Variants in PRKN observed in about 807,000 individuals in gnomAD.
The protein encoded by PRKN is parkin RBR E3 ubiquitin protein ligase, also known as E3 ubiquitin-protein ligase parkin.
In PRKN, 56 loss-of-function variants were observed where a neutral mutation model predicts 59.5. The observed-to-expected ratio is 0.94, with a 90% CI of 0.76 to 1.18. The LOEUF is 1.18. Ranked by LOEUF, PRKN falls within the 50% of genes most tolerant of loss-of-function variation. PRKN has a pLI of 0.00. For synonymous variants in PRKN, 250 were observed against 222.1 expected, an observed-to-expected ratio of 1.13 and a Z score of -1.12; for missense variants, 657 against 596.4, an observed-to-expected ratio of 1.10 and a Z score of -1.06.
intron 4 of PRKN, among the ~76,000 whole-genome samples, chr6:162,069,692 C>T (rs1778492938): frequency 6.6e-6 from 1 of 152,122 alleles, no homozygotes; most frequent in Admixed American, 6.5e-5. Flanking sequence ...GTTAATTCTG[C>T]AGAAAGAAAT....
intron 7 of PRKN, among the ~76,000 whole-genome samples, chr6:161,621,862 C>G (rs1222507652): frequency 6.6e-6 from 1 of 152,116 alleles, no homozygotes; most frequent in East Asian, 1.9e-4. Context: ...CACACTCACT[C>G]CTAGTATGTT....
chr6:161,816,697 CA>C (rs1384304970), intron 6 of PRKN, among the ~76,000 whole-genome samples: 6 of 150,814 alleles, frequency 4.0e-5, no homozygotes, highest in African/African-American at 1.5e-4. Context: ...CACTGCACTC[CA>C]GCTTGGGTGA....
chr6:162,454,972 A>T (rs1790799789), intron 1 of PRKN, among the ~76,000 whole-genome samples: 2 of 152,158 alleles, frequency 1.3e-5, no homozygotes, highest in Non-Finnish European at 2.9e-5. Flanking sequence ...GCCATTTCGG[A>T]CTGTGTTTTC....
At chr6:161,643,618 A>T (rs562093828) in intron 7 of PRKN, among the ~76,000 whole-genome samples, 11 of 152,330 alleles carry the variant, frequency 7.2e-5, no homozygotes, top group African/African-American at 2.6e-4. Flanking sequence ...TATTCCAAAG[A>T]TGTCATATAA....
At chr6:162,404,109 T>G in intron 2 of PRKN, among the ~76,000 whole-genome samples, 1 of 152,210 alleles carries the variant, frequency 6.6e-6, no homozygotes, top group South Asian at 2.1e-4. Flanking sequence ...CAGTGGCTCA[T>G]GCCTGTAATC....
intron 2 of PRKN, among the ~76,000 whole-genome samples, chr6:162,414,086 A>G (rs1477223539): frequency 6.6e-6 from 1 of 152,118 alleles, no homozygotes; most frequent in Non-Finnish European, 1.5e-5. Flanking sequence ...GGGAGGCTGA[A>G]GCAGGAGAAT....
intron 7 of PRKN, among the ~76,000 whole-genome samples, chr6:161,765,531 G>A (rs1789388084): frequency 6.6e-6 from 1 of 152,176 alleles, no homozygotes; most frequent in Non-Finnish European, 1.5e-5. Context: ...TGAGTGTACA[G>A]TTAAGCATAC....
chr6:162,257,944 C>A (rs1377778712), intron 3 of PRKN, among the ~76,000 whole-genome samples: 1 of 152,118 alleles, frequency 6.6e-6, no homozygotes, highest in Non-Finnish European at 1.5e-5. Context: ...GACCTCTCCA[C>A]CCTGCCCTTT....
chr6:162,680,293 T>G (rs567826157), intron 1 of PRKN, among the ~76,000 whole-genome samples: 95 of 150,984 alleles, frequency 6.3e-4, no homozygotes, highest in Middle Eastern at 7.0e-3. Flanking sequence ...TAAGCATATA[T>G]ACTTAATATT....
At chr6:162,428,100 T>A (rs1237181387) in intron 2 of PRKN, among the ~76,000 whole-genome samples, 1 of 152,202 alleles carries the variant, frequency 6.6e-6, no homozygotes, top group East Asian at 1.9e-4. Flanking sequence ...CCTACAAAGT[T>A]TATACAATGG....
At chr6:161,996,740 G>C (rs1781859881) in intron 5 of PRKN, among the ~76,000 whole-genome samples, 1 of 151,990 alleles carries the variant, frequency 6.6e-6, no homozygotes, top group African/African-American at 2.4e-5. Context: ...ATATGTGAAG[G>C]GAACAGTATA....
intron 4 of PRKN, among the ~76,000 whole-genome samples, chr6:162,196,067 TC>T (rs1385129709): frequency 6.6e-6 from 1 of 152,214 alleles, no homozygotes; most frequent in Non-Finnish European, 1.5e-5. Flanking sequence ...GGCTTTGCTT[TC>T]TTGAGGAGGC....
intron 6 of PRKN, among the ~76,000 whole-genome samples, chr6:161,903,444 G>C (rs1294718210): frequency 6.6e-6 from 1 of 152,168 alleles, no homozygotes; most frequent in African/African-American, 2.4e-5. Flanking sequence ...CAAACTTCGC[G>C]AAGGCAAAGA....
At chr6:161,605,499 G>A (rs1277332005) in intron 7 of PRKN, among the ~76,000 whole-genome samples, 1 of 149,698 alleles carries the variant, frequency 6.7e-6, no homozygotes, top group Non-Finnish European at 1.5e-5. Flanking sequence ...ATAGCAGAAA[G>A]GGGCTGCCCT....
chr6:161,953,805 C>A (rs1272824088), intron 6 of PRKN, among the ~76,000 whole-genome samples: 2 of 152,136 alleles, frequency 1.3e-5, no homozygotes, highest in African/African-American at 4.8e-5. Flanking sequence ...TGAGCTAGCA[C>A]GACGCACCCT....
chr6:162,506,441 T>C (rs1000599886), intron 1 of PRKN, among the ~76,000 whole-genome samples: 18 of 152,112 alleles, frequency 1.2e-4, no homozygotes, highest in African/African-American at 3.9e-4. Flanking sequence ...CAGTCCTCCC[T>C]CCAGCCCCCT....
chr6:161,744,330 A>G (rs16892988), intron 7 of PRKN, among the ~76,000 whole-genome samples: 25,292 of 152,002 alleles, frequency 0.17, 2,673 homozygotes, highest in East Asian at 0.58. Context: ...AAGCCACACG[A>G]TGAATCACTT....
At chr6:161,697,007 A>G (rs1786049163) in intron 7 of PRKN, among the ~76,000 whole-genome samples, 1 of 152,112 alleles carries the variant, frequency 6.6e-6, no homozygotes, top group South Asian at 2.1e-4. Flanking sequence ...CATTGCACAT[A>G]ATGTAGCTTC....
rs1197442506 is a variant in PRKN at position 161,352,976 on chromosome 6, C to T, written c.1286-2765G>A. Among the ~76,000 whole-genome samples, 1 of 151,946 alleles carries T rather than the reference C, an allele frequency of 6.6e-6. No homozygotes were observed. Among genetic ancestry groups the T allele is most frequent in the Non-Finnish European group, 1.5e-5 (1 of 68,006 alleles). Reference sequence around the variant, plus strand: ...TGTATTTTTAGTAGAGACGGGGTTTCACCATGTTGACCAGGCTGGTCTCAA... The same window carrying T: ...TGTATTTTTAGTAGAGACGGGGTTTTACCATGTTGACCAGGCTGGTCTCAA... On this transcript the variant is annotated intron_variant, in intron 11 of 11. Coordinates refer to ENST00000366898, the MANE Select transcript of PRKN (RefSeq NM_004562.3). The surrounding 1 kb of genome is among the most constrained non-coding windows in gnomAD (Gnocchi z 5.8).
Sources: allele counts gnomAD v4.1 joint callset (sites outside exome capture counted in the v4.1 genomes callset), GRCh38; gene constraint gnomAD v4.1.1; non-coding constraint Gnocchi (gnomAD v3.1); transcripts MANE v1.5; gene names NCBI Gene and HGNC (gene_info 2026-07-23, HGNC 2026-07-21).